GREM2: variants seen among roughly 807,000 people sequenced by gnomAD.
GREM2 encodes the protein gremlin 2, DAN family BMP antagonist.
A neutral mutation model predicts 14.2 loss-of-function variants in GREM2; 11 were observed. The ratio of observed to expected loss-of-function variants is 0.78; its 90% CI spans 0.49 to 1.28. The LOEUF (loss-of-function observed/expected upper bound fraction) is 1.28. GREM2 is among the 50% of genes most tolerant of loss of function. The pLI is 0.00. For synonymous variants in GREM2, 98 were observed against 97.6 expected, an observed-to-expected ratio of 1.00 and a Z score of -0.02; for missense variants, 210 against 218.5, an observed-to-expected ratio of 0.96 and a Z score of 0.24.
chr1:240,575,514 T>C (rs1679350777), intron 1 of GREM2, among the ~76,000 whole-genome samples: 1 of 144,348 alleles, frequency 6.9e-6, no homozygotes, highest in Non-Finnish European at 1.5e-5. Flanking sequence ...ACTTTTTAAT[T>C]TTAATTTTAA....
chr1:240,580,927 T>C (rs2103376758), intron 1 of GREM2, among the ~76,000 whole-genome samples: 1 of 152,190 alleles, frequency 6.6e-6, no homozygotes, highest in East Asian at 1.9e-4. Context: ...AAGAATAATG[T>C]AATAATGGAG....
chr1:240,555,905 C>T (rs998945335), intron 1 of GREM2, among the ~76,000 whole-genome samples: 8 of 152,156 alleles, frequency 5.3e-5, no homozygotes, highest in African/African-American at 1.9e-4. Context: ...ATTTTAGTCA[C>T]CTTTGATTTA....
intron 1 of GREM2, among the ~76,000 whole-genome samples, chr1:240,547,096 T>C (rs1678741935): frequency 6.6e-6 from 1 of 151,974 alleles, no homozygotes; most frequent in Admixed American, 6.6e-5. Context: ...CTATGCTAGA[T>C]GGAGAAGGGT....
intron 1 of GREM2, among the ~76,000 whole-genome samples, chr1:240,538,740 C>A (rs916808887): frequency 1.3e-5 from 2 of 151,910 alleles, no homozygotes; most frequent in Non-Finnish European, 2.9e-5. Context: ...AAACAAACAA[C>A]AAAAAACTTT....
chr1:240,531,637 G>A, intron 1 of GREM2: 9 of 985,230 alleles, frequency 9.1e-6, no homozygotes, highest in Non-Finnish European at 1.1e-5. Context: ...CCCATTACCT[G>A]CAAGGCGTCT....
rs199907710 is a variant in GREM2, at chr1:240,575,830, G to GT, written c.-2+36053dup. On this transcript the variant is annotated intron_variant, in intron 1 of 1. Coordinates refer to ENST00000318160, the MANE Select transcript of GREM2 (RefSeq NM_022469.4). ...GCCACCGTGCCCAGCACAAGATTCA[G>GT]TTTTTAACAAAGCTTACATAGAAGG... 9.2e-3 allele frequency among the ~76,000 whole-genome samples: 1,364 copies of GT among 148,034 alleles called. 16 individuals carry two copies. The highest frequency in any genetic ancestry group is 0.032 in the African/African-American group (1,279 of 40,098).
At chr1:240,539,736 G>A (rs1678545868) in intron 1 of GREM2, among the ~76,000 whole-genome samples, 1 of 152,138 alleles carries the variant, frequency 6.6e-6, no homozygotes, top group Non-Finnish European at 1.5e-5. Flanking sequence ...TGGGTAACAC[G>A]GATGAAGTGG....
rs185657410 is a variant in GREM2, at chr1:240,545,337, G to A, written c.-1-51861C>T. On this transcript the variant is annotated intron_variant, in intron 1 of 1. Transcript: ENST00000318160. ...TTTCCTGGAGATTGGTGCCCAGGGA[G>A]GGCATGGAAGCTCCACGCCTCTTCG... Among the ~76,000 whole-genome samples the A allele has an allele frequency of 3.3e-5, 5 of 152,368 alleles. No individual in the cohort carries two copies. The East Asian group carries it at 7.7e-4, about 24-fold the overall frequency.
At chr1:240,537,822 C>A (rs1357058697) in intron 1 of GREM2, among the ~76,000 whole-genome samples, 2 of 150,320 alleles carry the variant, frequency 1.3e-5, no homozygotes, top group Admixed American at 1.3e-4. Flanking sequence ...ACTGAGTAAG[C>A]CCTGCAAAAA....
intron 1 of GREM2, among the ~76,000 whole-genome samples, chr1:240,532,509 TA>T (rs1431384845): frequency 6.6e-6 from 1 of 152,158 alleles, no homozygotes; most frequent in African/African-American, 2.4e-5. Flanking sequence ...CATTTCTAAC[TA>T]AAAGACTAAT....
At chr1:240,596,229 A>T (rs1004140920) in intron 1 of GREM2, among the ~76,000 whole-genome samples, 1 of 152,210 alleles carries the variant, frequency 6.6e-6, no homozygotes, top group Non-Finnish European at 1.5e-5. Context: ...AAGTCTAATC[A>T]ATCATCACAT....
chr1:240,534,245 CA>C (rs1678424911), intron 1 of GREM2, among the ~76,000 whole-genome samples: 7 of 152,116 alleles, frequency 4.6e-5, no homozygotes. Flanking sequence ...GTGAGAAAAA[CA>C]ATCAGTTTTC....
At chr1:240,596,819 C>T (rs1038794806) in intron 1 of GREM2, among the ~76,000 whole-genome samples, 14 of 152,082 alleles carry the variant, frequency 9.2e-5, no homozygotes, top group African/African-American at 3.1e-4. Context: ...CCGTTAGTCA[C>T]GTAGATGTAC....
intron 1 of GREM2, among the ~76,000 whole-genome samples, chr1:240,558,276 T>C (rs1422859948): frequency 5.3e-5 from 8 of 152,094 alleles, no homozygotes; most frequent in Non-Finnish European, 1.2e-4. Flanking sequence ...GAAACTTTGA[T>C]AGTAATTGCC....
intron 1 of GREM2, among the ~76,000 whole-genome samples, chr1:240,564,467 C>T (rs1018830653): frequency 3.3e-5 from 5 of 150,520 alleles, no homozygotes; most frequent in Non-Finnish European, 7.4e-5. Flanking sequence ...AAGATTGTGC[C>T]ACTGTACTCC....
intron 1 of GREM2, among the ~76,000 whole-genome samples, chr1:240,571,700 A>AAAAAAG (rs1222285786): frequency 2.0e-5 from 3 of 152,112 alleles, no homozygotes; most frequent in Non-Finnish European, 4.4e-5. Context: ...CTCCATCGCA[A>AAAAAAG]AAAAAGAAAA....
At chr1:240,555,146 AAAAAAAAG>A (rs1678930076) in intron 1 of GREM2, among the ~76,000 whole-genome samples, 1 of 119,228 alleles carries the variant, frequency 8.4e-6, no homozygotes, top group African/African-American at 3.5e-5. Flanking sequence ...ACTCCATCTC[AAAAAAAAG>A]AAAGAAAGAA....
chr1:240,605,101 C>T (rs6661741), intron 1 of GREM2, among the ~76,000 whole-genome samples: 32,234 of 152,114 alleles, frequency 0.21, 4,240 homozygotes, highest in Middle Eastern at 0.31. Context: ...TGTGAGGTCC[C>T]GTTCCAGCCA....
Position 240,503,085 on chromosome 1 carries a change from A to C in GREM2, c.-1-9609T>G, listed in dbSNP as rs1334433347. Among the ~76,000 whole-genome samples the C allele has an allele frequency of 2.6e-5, 4 of 152,186 alleles. No homozygotes were observed. In the South Asian group the frequency reaches 8.3e-4, roughly 32 times the overall value. ...CCATGAGGGGCAAGCACAGGATGCA[A>C]ATCAAATCTTTGCAGTATAGAGCAC... On this transcript the variant is annotated intron_variant, in intron 1 of 1. Transcript: ENST00000318160.
Sources: allele counts gnomAD v4.1 joint callset (sites outside exome capture counted in the v4.1 genomes callset), GRCh38; gene constraint gnomAD v4.1.1; transcripts MANE v1.5; gene names NCBI Gene and HGNC (gene_info 2026-07-23, HGNC 2026-07-21).